Variants in POLA1 observed in about 807,000 individuals in gnomAD.
POLA1 encodes DNA polymerase alpha catalytic subunit.
A neutral mutation model predicts 124.0 loss-of-function variants in POLA1; 15 were observed. That is an observed-to-expected ratio of 0.12 (90% CI 0.08 to 0.19). The LOEUF (loss-of-function observed/expected upper bound fraction) is 0.19. Ranked by LOEUF, POLA1 falls within the 10% of genes least tolerant of loss-of-function variation. The pLI, the probability that POLA1 is intolerant of heterozygous loss-of-function variation, is 1.00. For synonymous variants in POLA1, 408 were observed against 389.4 expected, an observed-to-expected ratio of 1.05 and a Z score of -0.56; for missense variants, 886 against 1,103.4, an observed-to-expected ratio of 0.80 and a Z score of 2.79.
chrX:24,761,988 G>T (rs972604640), intron 26 of POLA1, among the ~76,000 whole-genome samples: 9 of 112,351 alleles, frequency 8.0e-5, no homozygotes, highest in African/African-American at 2.9e-4. Context: ...AAATGCCTGA[G>T]TATGCACTGG....
intron 26 of POLA1, among the ~76,000 whole-genome samples, chrX:24,753,085 C>A (rs1180338383): frequency 1.8e-5 from 2 of 109,814 alleles, no homozygotes; most frequent in Non-Finnish European, 3.8e-5. Context: ...CATCTCGGCT[C>A]ACTGCAAGCT....
At chrX:24,741,646 A>G in intron 21 of POLA1, 142 bp downstream of exon 21, 1 of 573,484 alleles carries the variant, frequency 1.7e-6, no homozygotes, top group East Asian at 3.4e-5. Context: ...TTCTTTTGTA[A>G]AAGGAAGAAC....
At chrX:24,698,459 G>T (rs1325175374) in intron 1 of POLA1, among the ~76,000 whole-genome samples, 2 of 111,279 alleles carry the variant, frequency 1.8e-5, no homozygotes, top group Non-Finnish European at 3.8e-5. Flanking sequence ...AGCCATCTTT[G>T]TTAAATTTCT....
At chrX:24,879,405 A>C (rs928796573) in intron 34 of POLA1, among the ~76,000 whole-genome samples, 2 of 112,137 alleles carry the variant, frequency 1.8e-5, no homozygotes, top group African/African-American at 6.5e-5. Context: ...GGGGGAAAAA[A>C]GTATTTTCTG....
chrX:24,748,243 A>G, intron 24 of POLA1, 68 bp from the exon 25 acceptor site: 3 of 807,110 alleles, frequency 3.7e-6, no homozygotes, highest in Non-Finnish European at 5.3e-6. Context: ...AAGCTCCTAT[A>G]AAATATTACT....
chrX:24,883,415 A>G lies in POLA1; in HGVS notation c.4048-4591A>G, dbSNP rs577559905. ...GCCTTCTACAAATACAAATGTACAC[A>G]AATGAATAACAGTTTGTGTTTAAGG... On this transcript the variant is annotated intron_variant, in intron 34 of 36. Transcript: ENST00000379068. Among the ~76,000 whole-genome samples, 35 of 112,467 alleles carry G rather than the reference A, an allele frequency of 3.1e-4. No individual in the cohort carries two copies. In the South Asian group the frequency reaches 0.012, roughly 40 times the overall value.
At chrX:24,964,426 C>T (rs1006093537) in intron 36 of POLA1, among the ~76,000 whole-genome samples, 1 of 112,472 alleles carries the variant, frequency 8.9e-6, no homozygotes, top group Non-Finnish European at 1.9e-5. Flanking sequence ...TATATACATC[C>T]TAGAAATCTT....
intron 34 of POLA1, among the ~76,000 whole-genome samples, chrX:24,845,984 G>A (rs753151340): frequency 2.7e-5 from 3 of 111,835 alleles, no homozygotes; most frequent in South Asian, 3.7e-4. Flanking sequence ...TATAACCTGC[G>A]AAGAAGCATA....
At chrX:24,818,807 C>T (rs2046036988) in intron 30 of POLA1, among the ~76,000 whole-genome samples, 1 of 112,072 alleles carries the variant, frequency 8.9e-6, no homozygotes, top group Non-Finnish European at 1.9e-5. Flanking sequence ...TACAATTTTG[C>T]ACATCTCTTT....
At chrX:24,840,245 A>G (rs375372312) in intron 32 of POLA1, among the ~76,000 whole-genome samples, 1 of 112,717 alleles carries the variant, frequency 8.9e-6, no homozygotes, top group South Asian at 3.7e-4. Context: ...CTAAATGCAT[A>G]ATCTTGAGCG....
chrX:24,775,073 T>C (rs972180786), intron 26 of POLA1: 1 of 112,030 alleles, frequency 8.9e-6, no homozygotes. Flanking sequence ...TTAAATTATG[T>C]GTTTTTTTTT....
intron 32 of POLA1, among the ~76,000 whole-genome samples, chrX:24,840,185 C>T (rs1185659190): frequency 8.9e-6 from 1 of 112,261 alleles, no homozygotes; most frequent in Non-Finnish European, 1.9e-5. Context: ...ATTCCTACAA[C>T]GAGTAGCTAT....
Position 24,739,606 on chromosome X carries a change from A to G in POLA1, c.2216+56A>G, listed in dbSNP as rs752833339. On this transcript the variant is annotated intron_variant, in intron 20 of 36. Transcript: ENST00000379068. ...GTCTTGAAATTAACAACAGCAGGAC[A>G]CTACTAGTACTATCCTTAGTCTGGA... 9 of 723,446 alleles carry G rather than the reference A, an allele frequency of 1.2e-5. No individual in the cohort carries two copies. In the African/African-American group the frequency reaches 2.0e-4, roughly 16 times the overall value. 59.6% of individuals were successfully genotyped at this position (723,446 alleles called of 1,213,427 possible).
intron 34 of POLA1, among the ~76,000 whole-genome samples, chrX:24,861,554 G>A (rs181405234): frequency 0.01 from 1,131 of 112,622 alleles, 8 homozygotes; most frequent in Non-Finnish European, 0.015. Context: ...TGGTTCTCTG[G>A]TAATCTTTTT....
chrX:24,768,885 T>G (rs979058910), intron 26 of POLA1, among the ~76,000 whole-genome samples: 2 of 112,180 alleles, frequency 1.8e-5, no homozygotes, highest in Non-Finnish European at 3.8e-5. Context: ...TGTAATTTGT[T>G]TCTTGCAAGG....
Position 24,862,210 on chromosome X carries a change from A to G in POLA1, c.4047+18533A>G, listed in dbSNP as rs138358751. On this transcript the variant is annotated intron_variant, in intron 34 of 36. Transcript: ENST00000379068. ...CCTGACAGCATGTTTGACTAGTACT[A>G]AACATCTGCATTTAGGGAGCAGTTA... Among the ~76,000 whole-genome samples the G allele has an allele frequency of 2.0e-4, 23 of 112,349 alleles. No homozygotes were observed. The East Asian group carries it at 4.2e-3, about 20-fold the overall frequency.
chrX:24,978,685 A>G (rs991641698), intron 36 of POLA1, among the ~76,000 whole-genome samples: 5 of 112,233 alleles, frequency 4.5e-5, no homozygotes, highest in African/African-American at 1.3e-4. Flanking sequence ...TCAAGGTAAC[A>G]TAGCAAGTTA....
chrX:24,696,709 A>C (rs1376214257), intron 1 of POLA1, among the ~76,000 whole-genome samples: 3 of 111,400 alleles, frequency 2.7e-5, no homozygotes, highest in African/African-American at 9.8e-5. Flanking sequence ...AGGCTGCTTT[A>C]AATAACAAGA....
rs1310312099 is a variant in POLA1, at chrX:24,795,368, T to G, written c.2965-14530T>G. ...TGAAGCACTTTTTCAATTCCCAGTC[T>G]CCTGTGAATTTGTATACCCTCAATG... On this transcript the variant is annotated intron_variant, in intron 26 of 36. Transcript: ENST00000379068. Among the ~76,000 whole-genome samples, 7 of 111,899 alleles carry G rather than the reference T, an allele frequency of 6.3e-5. No homozygotes were observed. The East Asian group carries it at 2.0e-3, about 32-fold the overall frequency.
Sources: allele counts gnomAD v4.1 joint callset (sites outside exome capture counted in the v4.1 genomes callset), GRCh38; gene constraint gnomAD v4.1.1; transcripts MANE v1.5; gene names NCBI Gene and HGNC (gene_info 2026-07-23, HGNC 2026-07-21).